CCR5AS: variants seen among roughly 807,000 people sequenced by gnomAD.
CCR5AS encodes the protein CCR5 antisense RNA.
At chr3:46,404,999 T>C (rs1028478398) in intron 1 of CCR5AS, among the ~76,000 whole-genome samples, 1 of 152,210 alleles carries the variant, frequency 6.6e-6, no homozygotes, top group Non-Finnish European at 1.5e-5. Flanking sequence ...GAGGTAAGCT[T>C]TGTGGACCAC....
chr3:46,381,454 A>T (rs1277540558), intron 2 of CCR5AS, among the ~76,000 whole-genome samples: 1 of 152,226 alleles, frequency 6.6e-6, no homozygotes, highest in Non-Finnish European at 1.5e-5. Flanking sequence ...TGGTTTAAAC[A>T]CATGTACACA....
At chr3:46,379,816 G>T (rs1559570999) in intron 2 of CCR5AS, among the ~76,000 whole-genome samples, 1 of 152,104 alleles carries the variant, frequency 6.6e-6, no homozygotes, top group Non-Finnish European at 1.5e-5. Context: ...AGAATCGCTT[G>T]AACCTGGGAG....
At chr3:46,399,954 C>G (rs887896569) in intron 1 of CCR5AS, among the ~76,000 whole-genome samples, 2 of 152,146 alleles carry the variant, frequency 1.3e-5, no homozygotes, top group Admixed American at 6.5e-5. Flanking sequence ...TCTTAAATTA[C>G]CAATGTATCT....
chr3:46,394,117 A>G (rs1213680140), intron 1 of CCR5AS, among the ~76,000 whole-genome samples: 3 of 152,156 alleles, frequency 2.0e-5, no homozygotes, highest in Non-Finnish European at 2.9e-5. Context: ...AGGAGACATC[A>G]GTGTTATCTG....
intron 2 of CCR5AS, among the ~76,000 whole-genome samples, chr3:46,390,342 C>T (rs994050789): frequency 3.3e-5 from 5 of 152,028 alleles, no homozygotes; most frequent in African/African-American, 7.2e-5. Context: ...ATGGGAAGGA[C>T]GATTTGATCA....
In CCR5AS at chr3:46,402,949, T is replaced by C. The variant is rs779417817; in HGVS notation, n.163+3948A>G. Reference sequence around the variant, plus strand: ...TTGTTCCCTTCTTTGAGTTCATGTGTTCTCATCATTTAGCTCCCACTTATA... The same window carrying C: ...TTGTTCCCTTCTTTGAGTTCATGTGCTCTCATCATTTAGCTCCCACTTATA... On this transcript the variant is annotated intron_variant and non_coding_transcript_variant, in intron 1 of 3. Coordinates refer to ENST00000451485, the Ensembl canonical transcript of CCR5AS. Among the ~76,000 whole-genome samples, 109 of 152,338 alleles carry C rather than the reference T, an allele frequency of 7.2e-4. 1 individual carries two copies. Among genetic ancestry groups the C allele is most frequent in the Non-Finnish European group, 1.2e-3 (84 of 68,026 alleles).
intron 1 of CCR5AS, among the ~76,000 whole-genome samples, chr3:46,401,579 C>A (rs982677184): frequency 6.6e-6 from 1 of 152,072 alleles, no homozygotes; most frequent in African/African-American, 2.4e-5. Context: ...AAGGGATGGG[C>A]CTATCATAGT....
chr3:46,389,268 G>C (rs1207820604), intron 2 of CCR5AS, among the ~76,000 whole-genome samples: 1 of 152,214 alleles, frequency 6.6e-6, no homozygotes, highest in Non-Finnish European at 1.5e-5. Flanking sequence ...GAAGAGGAGA[G>C]ATCAGGCTGG....
chr3:46,394,711 G>A (rs941212344), intron 1 of CCR5AS, among the ~76,000 whole-genome samples: 6 of 152,188 alleles, frequency 3.9e-5, no homozygotes, highest in Admixed American at 1.3e-4. Context: ...AAAAGTGTAC[G>A]TGACAGGAAT....
intron 1 of CCR5AS, among the ~76,000 whole-genome samples, chr3:46,397,529 A>C (rs1701971208): frequency 1.3e-5 from 2 of 152,234 alleles, no homozygotes; most frequent in Non-Finnish European, 2.9e-5. Context: ...TTCCCACTGC[A>C]AGGCCAGACA....
intron 2 of CCR5AS, among the ~76,000 whole-genome samples, chr3:46,381,867 G>A (rs1395146202): frequency 6.6e-6 from 1 of 152,222 alleles, no homozygotes; most frequent in African/African-American, 2.4e-5. Context: ...TTGGGCAAGT[G>A]ACTTAACGTC....
chr3:46,386,039 G>A (rs1204486989), intron 2 of CCR5AS, among the ~76,000 whole-genome samples: 1 of 151,988 alleles, frequency 6.6e-6, no homozygotes, highest in Non-Finnish European at 1.5e-5. Flanking sequence ...AGCCCCCCAA[G>A]TAGCTGGGAG....
At position 46,401,057 on chromosome 3, in the gene CCR5AS, C is replaced by A. The variant is rs142530721; in HGVS notation, n.163+5840G>T. ...AGGTTCCAGAGACACAGAGGAAAAG[C>A]GTGGGAGAAAGTGGAATATTGGGAG... is the stretch of plus-strand genomic sequence containing the variant. On this transcript the variant is annotated intron_variant and non_coding_transcript_variant, in intron 1 of 3. Transcript: ENST00000451485. Among the ~76,000 whole-genome samples the A allele has an allele frequency of 6.6e-3, 999 of 151,940 alleles. 12 individuals are homozygous for A. The highest frequency in any genetic ancestry group is 0.023 in the African/African-American group (955 of 41,412).
At chr3:46,390,333 T>A (rs2106769979) in intron 2 of CCR5AS, among the ~76,000 whole-genome samples, 1 of 152,206 alleles carries the variant, frequency 6.6e-6, no homozygotes, top group Middle Eastern at 3.4e-3. Flanking sequence ...ATAGGATGGA[T>A]GGGAAGGACG....
At chr3:46,401,181 T>A (rs1702003034) in intron 1 of CCR5AS, among the ~76,000 whole-genome samples, 1 of 152,018 alleles carries the variant, frequency 6.6e-6, no homozygotes, top group Non-Finnish European at 1.5e-5. Flanking sequence ...GGGAATATGA[T>A]GGAATTAAGT....
chr3:46,376,489 T>C (rs1277616957), intron 2 of CCR5AS, among the ~76,000 whole-genome samples: 1 of 152,194 alleles, frequency 6.6e-6, no homozygotes, highest in Non-Finnish European at 1.5e-5. Flanking sequence ...CTTTTAAAAT[T>C]CAAATTTTAA....
intron 2 of CCR5AS, chr3:46,373,123 T>C: frequency 6.2e-7 from 1 of 1,614,178 alleles, no homozygotes; most frequent in Non-Finnish European, 8.5e-7. Context: ...AACCTGGCCA[T>C]CTCTGACCTG....
chr3:46,400,168 A>G (rs966554614), intron 1 of CCR5AS, among the ~76,000 whole-genome samples: 1 of 151,940 alleles, frequency 6.6e-6, no homozygotes, highest in Non-Finnish European at 1.5e-5. Context: ...TATTTTGTAC[A>G]TTTGTAGAGA....
intron 2 of CCR5AS, among the ~76,000 whole-genome samples, chr3:46,389,310 A>G (rs1376473040): frequency 6.6e-6 from 1 of 152,224 alleles, no homozygotes; most frequent in African/African-American, 2.4e-5. Flanking sequence ...ATTCTGGAAC[A>G]GTGAATCCAA....
Sources: gnomAD v4.1 joint callset for allele counts (sites outside exome capture counted in the v4.1 genomes callset) on GRCh38, gnomAD v4.1.1 for gene constraint, MANE v1.5 for transcripts, NCBI Gene and HGNC (gene_info 2026-07-23, HGNC 2026-07-21) for gene names.